The following VRK2 variants were observed in gnomAD, a reference collection of about 807,000 sequenced individuals.
The protein encoded by VRK2 is serine/threonine-protein kinase VRK2.
VRK2 carries 60 observed loss-of-function variants against 57.6 expected under a neutral mutation model. That is an observed-to-expected ratio of 1.04 (90% CI 0.85 to 1.29). The LOEUF is 1.29. VRK2 is among the 50% of genes most tolerant of loss of function. The probability of loss-of-function intolerance (pLI) is 0.00; values close to 1 mark genes in which losing one functional copy is unlikely to be tolerated. For synonymous variants in VRK2, 231 were observed against 199.2 expected (o/e 1.16, Z -1.35); for missense variants, 705 against 588.1 (o/e 1.20, Z -2.06).
intron 1 of VRK2, among the ~76,000 whole-genome samples, chr2:58,015,381 T>C (rs898030465): frequency 2.0e-5 from 3 of 152,218 alleles, no homozygotes; most frequent in African/African-American, 7.2e-5. Context: ...ATCCTGGCCT[T>C]ACTATTTCCT....
intron 2 of VRK2, among the ~76,000 whole-genome samples, chr2:58,081,819 A>C (rs1670909121): frequency 6.6e-6 from 1 of 150,794 alleles, no homozygotes; most frequent in African/African-American, 2.4e-5. Context: ...AAGACATCTT[A>C]GATTTCTCCA....
chr2:58,052,900 T>G (rs1254903338), intron 2 of VRK2, among the ~76,000 whole-genome samples: 1 of 152,246 alleles, frequency 6.6e-6, no homozygotes, highest in Admixed American at 6.5e-5. Context: ...ATAACAGAAT[T>G]ACAGGATAAA....
intron 1 of VRK2, among the ~76,000 whole-genome samples, chr2:57,917,263 C>A (rs999104591): frequency 1.3e-5 from 2 of 152,062 alleles, no homozygotes; most frequent in Non-Finnish European, 1.5e-5. Flanking sequence ...GACCTACTCA[C>A]TCTCTCACTT....
chr2:57,971,119 T>G (rs541980238), intron 1 of VRK2, among the ~76,000 whole-genome samples: 1 of 151,942 alleles, frequency 6.6e-6, no homozygotes, highest in South Asian at 2.1e-4. Flanking sequence ...ACTCAACATA[T>G]AGCCATACTC....
rs1375705165 is a variant in VRK2 at position 58,086,374 on chromosome 2, T to A, written c.292T>A (p.Leu98Ile). ...KWIERKQLDY[L>I]GIPLFYGSGL... ...GATAGAACGCAAACAACTTGATTAT[T>A]TAGGAATTCCTCTGTTTTATGGATC... Residue 98 changes from leucine to isoleucine, a missense_variant, in exon 5 of 13, where the codon TTA becomes ATA. Physicochemically the swap from Leu to Ile is conservative, Grantham distance 5. Transcript: ENST00000340157. 6.2e-7 allele frequency: 1 copy of A among 1,605,412 alleles called. No homozygotes were observed. The highest frequency in any genetic ancestry group is 1.1e-5 in the South Asian group (1 of 88,836).
At chr2:58,020,128 G>C (rs1022698308) in intron 1 of VRK2, among the ~76,000 whole-genome samples, 16 of 152,206 alleles carry the variant, frequency 1.1e-4, no homozygotes, top group African/African-American at 3.1e-4. Flanking sequence ...ACTAAAGTAT[G>C]ATGCTTCCAT....
In VRK2 at chr2:57,921,446, TC is replaced by T. The variant is rs1670345975; in HGVS notation, c.-439+13609del. On this transcript the variant is annotated intron_variant, in intron 1 of 15. Transcript: ENST00000417641. The stretch of plus-strand genomic sequence containing the variant: ...GGGAGTGATAGCCTTGTGTGGATCC[TC>T]CTGGGGATTGTCTGACAAGGTGAAT... Among the ~76,000 whole-genome samples, 4 of 151,974 alleles carry T rather than the reference TC, an allele frequency of 2.6e-5. No individual in the cohort carries two copies. The South Asian group carries it at 8.3e-4, about 32-fold the overall frequency.
At chr2:58,064,297 G>T (rs948857701) in intron 2 of VRK2, among the ~76,000 whole-genome samples, 1 of 152,026 alleles carries the variant, frequency 6.6e-6, no homozygotes, top group Non-Finnish European at 1.5e-5. Context: ...TCTTTTGTGA[G>T]AGCGAGAGTC....
At chr2:58,105,612 C>T (rs1163931398) in intron 7 of VRK2, among the ~76,000 whole-genome samples, 2 of 151,652 alleles carry the variant, frequency 1.3e-5, no homozygotes, top group Non-Finnish European at 3.0e-5. Context: ...ATTTGAGCAT[C>T]CTGCTTCACA....
intron 1 of VRK2, among the ~76,000 whole-genome samples, chr2:57,993,492 A>T (rs940862402): frequency 1.3e-5 from 2 of 152,198 alleles, no homozygotes; most frequent in African/African-American, 4.8e-5. Context: ...AAAAAAAAAA[A>T]AAAGTAGCAA....
At chr2:58,036,928 T>C (rs1382157628) in intron 3 of VRK2, among the ~76,000 whole-genome samples, 2 of 152,062 alleles carry the variant, frequency 1.3e-5, no homozygotes, top group African/African-American at 4.8e-5. Flanking sequence ...TCATTTTGCT[T>C]AATCTTAATT....
Position 58,054,845 on chromosome 2 carries a change from G to A in VRK2, c.136+5878G>A, listed in dbSNP as rs1240946388. ...ATGGACTGTTATTCCTGAACACTCT[G>A]TTGTATTCTCCATGAAAAAATATTT... On this transcript the variant is annotated intron_variant, in intron 2 of 12. Coordinates refer to ENST00000340157, the MANE Select transcript of VRK2 (RefSeq NM_006296.7). 2.6e-5 allele frequency among the ~76,000 whole-genome samples: 4 copies of A among 152,230 alleles called. No individual in the cohort carries two copies. The East Asian group carries it at 5.8e-4, about 22-fold the overall frequency.
upstream of VRK2, chr2:58,046,589 C>T (rs966754512): frequency 1.0e-6 from 1 of 985,618 alleles, no homozygotes; most frequent in Non-Finnish European, 1.2e-6. Flanking sequence ...AGTAACACAG[C>T]TCCCATTCCC....
At chr2:58,025,638 G>A (rs1309728233) in intron 1 of VRK2, 1 of 152,168 alleles carries the variant, frequency 6.6e-6, no homozygotes, top group African/African-American at 2.4e-5. Context: ...AGAGAACCAA[G>A]AAATGTGGCC....
chr2:57,913,562 T>A (rs999422224), intron 1 of VRK2, among the ~76,000 whole-genome samples: 1 of 152,148 alleles, frequency 6.6e-6, no homozygotes, highest in Non-Finnish European at 1.5e-5. Flanking sequence ...TAGCTAGATA[T>A]CTCCCTGACT....
chr2:58,070,605 A>T (rs1218322960), intron 2 of VRK2, among the ~76,000 whole-genome samples: 1 of 152,136 alleles, frequency 6.6e-6, no homozygotes, highest in Non-Finnish European at 1.5e-5. Flanking sequence ...CTTCTTTCAC[A>T]AAACTATATG....
In VRK2 at chr2:58,048,959, T is replaced by C. The variant is rs1675290541; in HGVS notation, c.128T>C (p.Ile43Thr). 6.2e-7 allele frequency: 1 copy of C among 1,611,490 alleles called. No homozygotes were observed. Among genetic ancestry groups the C allele is most frequent in the African/African-American group, 1.3e-5 (1 of 74,776 alleles). The change falls in exon 2 of 13, where the codon ATA becomes ACA. Residue 43 changes from isoleucine to threonine, a missense_variant. Physicochemically the swap from Ile to Thr is moderately conservative, Grantham distance 89. Coordinates refer to ENST00000340157, the MANE Select transcript of VRK2 (RefSeq NM_006296.7). ...ATTGGCTCTGGAGGATTTGGATTGA[T>C]ATATTTAGGTAAAGTAAAACCTTAA... ...KKIGSGGFGL[I>T]YLAFPTNKPE...
chr2:57,962,459 G>A lies in VRK2; in HGVS notation c.-439+54620G>A, dbSNP rs191225848. 5.4e-4 allele frequency among the ~76,000 whole-genome samples: 82 copies of A among 152,082 alleles called. 1 individual carries two copies. The highest frequency in any genetic ancestry group is 3.4e-3 in the Middle Eastern group (1 of 294). On this transcript the variant is annotated intron_variant, in intron 1 of 15. Transcript: ENST00000417641. ...TTTTAGGTTCGGGGTACATATGCAA[G>A]TTTGTTATATAGGTAAACTGTACGT... is the stretch of plus-strand genomic sequence containing the variant.
At chr2:57,996,533 T>C (rs1672928246) in intron 1 of VRK2, among the ~76,000 whole-genome samples, 1 of 152,186 alleles carries the variant, frequency 6.6e-6, no homozygotes, top group African/African-American at 2.4e-5. Context: ...ACATGCGCAG[T>C]CAACCTTTTT....
Sources: allele counts gnomAD v4.1 joint callset (sites outside exome capture counted in the v4.1 genomes callset), GRCh38; gene constraint gnomAD v4.1.1; transcripts MANE v1.5; gene names NCBI Gene and HGNC (gene_info 2026-07-23, HGNC 2026-07-21).